NFATC1: variants seen among roughly 807,000 people sequenced by gnomAD.
NFATC1 encodes the protein nuclear factor of activated T cells 1.
NFATC1 carries 22 observed loss-of-function variants against 76.0 expected under a neutral mutation model. That is an observed-to-expected ratio of 0.29 (90% CI 0.21 to 0.41). The LOEUF is 0.41. NFATC1 is among the 10% of genes least tolerant of loss of function. NFATC1 has a pLI of 1.00. For synonymous variants in NFATC1, 704 were observed against 613.1 expected (o/e 1.15, Z -2.19); for missense variants, 1,357 against 1,337.7 (o/e 1.01, Z -0.23).
chr18:79,487,054 G>C, intron 9 of NFATC1, 117 bp downstream of exon 9: 1 of 1,220,860 alleles, frequency 8.2e-7, no homozygotes, highest in Non-Finnish European at 1.1e-6. Flanking sequence ...GAGGCACCGG[G>C]CAGGGTGTGG....
In NFATC1 at chr18:79,501,061, A is replaced by G. The variant is rs1166169825; in HGVS notation, c.2782+14124A>G. On this transcript the variant is annotated intron_variant, in intron 9 of 9. Transcript: ENST00000427363. Reference sequence around the variant, plus strand: ...ATAGAAAAATATTCTTTATGAACACAGGAGCAAAAATCCACAACAAAATAT... The same window carrying G: ...ATAGAAAAATATTCTTTATGAACACGGGAGCAAAAATCCACAACAAAATAT... Among the ~76,000 whole-genome samples, 4 of 152,280 alleles carry G rather than the reference A, an allele frequency of 2.6e-5. No homozygotes were observed. The East Asian group carries it at 5.8e-4, about 22-fold the overall frequency.
intron 9 of NFATC1, among the ~76,000 whole-genome samples, chr18:79,490,327 A>T (rs1260676383): frequency 6.9e-6 from 1 of 145,940 alleles, no homozygotes; most frequent in Non-Finnish European, 1.5e-5. Context: ...TCCCTGGTGC[A>T]GGCTCAGGCT....
At position 79,396,705 on chromosome 18, in the gene NFATC1, G is replaced by A. The variant is rs114577874; in HGVS notation, c.127+354G>A. On this transcript the variant is annotated intron_variant, in intron 1 of 9. Coordinates refer to ENST00000427363, the MANE Select transcript of NFATC1 (RefSeq NM_001278669.2). Reference sequence around the variant, plus strand: ...CAGAGGGCACGTGGGAGGGAGGAAGGGAGGCTTCCTTGGGAGTGAAGGATG... The same window carrying A: ...CAGAGGGCACGTGGGAGGGAGGAAGAGAGGCTTCCTTGGGAGTGAAGGATG... 7.0e-3 allele frequency among the ~76,000 whole-genome samples: 1,070 copies of A among 152,298 alleles called. 17 individuals carry two copies. The highest frequency in any genetic ancestry group is 0.025 in the African/African-American group (1,023 of 41,572).
At chr18:79,428,255 C>T (rs1390517848) in intron 2 of NFATC1, among the ~76,000 whole-genome samples, 1 of 152,174 alleles carries the variant, frequency 6.6e-6, no homozygotes, top group African/African-American at 2.4e-5. Flanking sequence ...TTTACCGCTG[C>T]TGGTTTAGAA....
At chr18:79,516,285 TAGC>T (rs1219788973) in intron 9 of NFATC1, among the ~76,000 whole-genome samples, 1 of 152,086 alleles carries the variant, frequency 6.6e-6, no homozygotes, top group African/African-American at 2.4e-5. Flanking sequence ...CTTCCAAAAA[TAGC>T]AGGCCCTGTG....
chr18:79,444,441 A>G (rs534119629), intron 3 of NFATC1, among the ~76,000 whole-genome samples: 1 of 144,532 alleles, frequency 6.9e-6, no homozygotes, highest in East Asian at 2.0e-4. Flanking sequence ...CCCCGAGCCC[A>G]CGCTGCTCTG....
rs576114630 is a variant in NFATC1 at position 79,523,098 on chromosome 18, C to T, written c.2783-4430C>T. Reference sequence around the variant, plus strand: ...GGGTGACTACAGTACCTGCCTTTGCCGCTCCCGGGGCTGTTGCAAGGAGCA... The same window carrying T: ...GGGTGACTACAGTACCTGCCTTTGCTGCTCCCGGGGCTGTTGCAAGGAGCA... On this transcript the variant is annotated intron_variant, in intron 9 of 9. Transcript: ENST00000427363. Among the ~76,000 whole-genome samples the T allele has an allele frequency of 3.7e-4, 57 of 152,324 alleles. No individual in the cohort carries two copies. The South Asian group carries it at 0.01, about 28-fold the overall frequency.
intron 2 of NFATC1, among the ~76,000 whole-genome samples, chr18:79,431,634 G>C (rs553496008): frequency 1.1e-3 from 159 of 144,388 alleles, no homozygotes; most frequent in African/African-American, 3.7e-3. Context: ...CAAGTGATCT[G>C]TTCCCCTTGG....
intron 3 of NFATC1, among the ~76,000 whole-genome samples, chr18:79,441,531 G>A (rs774731210): frequency 5.9e-5 from 9 of 152,180 alleles, no homozygotes; most frequent in Admixed American, 1.3e-4. Context: ...TCCTTGATGT[G>A]TCTCCCTGAG....
At chr18:79,489,644 G>A (rs923669632) in intron 9 of NFATC1, among the ~76,000 whole-genome samples, 5 of 152,176 alleles carry the variant, frequency 3.3e-5, no homozygotes, top group South Asian at 2.1e-4. Context: ...AATGGGTCAC[G>A]TCCTGTTCAA....
At chr18:79,477,442 C>G (rs1458210215) in intron 8 of NFATC1, among the ~76,000 whole-genome samples, 3 of 152,224 alleles carry the variant, frequency 2.0e-5, no homozygotes. Context: ...GGCAGCTCAG[C>G]GTTAGATCTC....
chr18:79,410,805 T>C lies in NFATC1; in HGVS notation c.530T>C (p.Leu177Pro). ...TCGTGCCTGAGCCCGGCCAGCAGCC[T>C]GTCCTCCCGGAGCTGCAACTCAGAG... is the stretch of plus-strand genomic sequence containing the variant. ...DPSCLSPASSLSSRSCNSEAS... is the reference protein window; with the variant it reads ...DPSCLSPASSPSSRSCNSEAS... The change falls in exon 2 of 10, where the codon CTG becomes CCG. Residue 177 changes from leucine (L) to proline (P), a missense_variant. Around this residue, in one of 3 missense-constraint regions of NFATC1, gnomAD observed 691 missense variants for 613.1 expected, o/e 1.13. Transcript: ENST00000427363. This position sits in a 1 kb window ranked among gnomAD's most constrained non-coding sequence, Gnocchi z 6.7. The C allele has an allele frequency of 6.2e-7, 1 of 1,612,544 alleles. No individual in the cohort carries two copies. Among genetic ancestry groups the C allele is most frequent in the African/African-American group, 1.3e-5 (1 of 75,048 alleles).
intron 8 of NFATC1, among the ~76,000 whole-genome samples, chr18:79,475,114 G>A (rs1271317705): frequency 7.1e-6 from 1 of 141,142 alleles, no homozygotes; most frequent in Non-Finnish European, 1.5e-5. Context: ...GTGTTCTCAC[G>A]CTCACTGTCG....
At chr18:79,516,380 A>C (rs2090384544) in intron 9 of NFATC1, among the ~76,000 whole-genome samples, 1 of 152,250 alleles carries the variant, frequency 6.6e-6, no homozygotes, top group African/African-American at 2.4e-5. Flanking sequence ...CTTTTTAATG[A>C]AACTTGAGAA....
intron 8 of NFATC1, 47 bp from the exon 9 acceptor site, chr18:79,486,201 C>G (rs1478380710): frequency 1.3e-6 from 2 of 1,547,580 alleles, no homozygotes; most frequent in Admixed American, 3.6e-5. Flanking sequence ...CCTGATCACA[C>G]TCATTCGCAA....
intron 1 of NFATC1, among the ~76,000 whole-genome samples, chr18:79,401,671 C>T (rs643705): frequency 6.6e-6 from 1 of 152,176 alleles, no homozygotes; most frequent in East Asian, 1.9e-4. Flanking sequence ...GCCCCACTCC[C>T]GACCTCTCTT....
intron 8 of NFATC1, among the ~76,000 whole-genome samples, chr18:79,482,853 G>T (rs868685464): frequency 7.3e-6 from 1 of 136,394 alleles, no homozygotes. Flanking sequence ...ACCTGGTCCT[G>T]GGGTGTAATT....
chr18:79,442,587 T>C (rs1422470828), intron 3 of NFATC1, among the ~76,000 whole-genome samples: 2 of 152,208 alleles, frequency 1.3e-5, no homozygotes, highest in Non-Finnish European at 2.9e-5. Context: ...CCCTGGCAGC[T>C]CAGCGCTGCT....
chr18:79,431,765 C>T (rs1391229354), intron 2 of NFATC1, among the ~76,000 whole-genome samples: 2 of 152,098 alleles, frequency 1.3e-5, no homozygotes, highest in African/African-American at 2.4e-5. Context: ...TGCAGTGGCG[C>T]GATCTCGGCT....
Sources: gnomAD v4.1 joint callset for allele counts (sites outside exome capture counted in the v4.1 genomes callset) on GRCh38, gnomAD v4.1.1 for gene constraint, gnomAD v4.1.1 regional missense constraint, Gnocchi (gnomAD v3.1) non-coding constraint, MANE v1.5 for transcripts, NCBI Gene and HGNC (gene_info 2026-07-23, HGNC 2026-07-21) for gene names.